The following CERS4 variants were observed in gnomAD, a reference collection of about 807,000 sequenced individuals.
CERS4 encodes the protein LAG1 homolog, ceramide synthase 4.
Under a neutral mutation model 51.8 loss-of-function variants are expected in CERS4, and 65 were observed. The observed-to-expected ratio is 1.26, with a 90% CI of 1.03 to 1.54. The LOEUF (loss-of-function observed/expected upper bound fraction) is 1.54, where lower values mean the gene tolerates loss of function less well. Among genes scored for constraint, CERS4 ranks in the 40% most tolerant of loss-of-function variants. The pLI, the probability that CERS4 is intolerant of heterozygous loss-of-function variation, is 0.00. For synonymous variants in CERS4, 228 were observed against 208.4 expected (o/e 1.09, Z -0.81); for missense variants, 563 against 500.4 (o/e 1.13, Z -1.19).
At chr19:8,242,441 G>A (rs1178804335) in intron 2 of CERS4, among the ~76,000 whole-genome samples, 1 of 152,168 alleles carries the variant, frequency 6.6e-6, no homozygotes, top group Non-Finnish European at 1.5e-5. Flanking sequence ...ATTCAGCAGA[G>A]GAGAGGAGAG....
intron 2 of CERS4, among the ~76,000 whole-genome samples, chr19:8,230,095 GTTCT>G (rs1261356394): frequency 2.6e-5 from 4 of 152,116 alleles, no homozygotes; most frequent in Admixed American, 6.6e-5. Context: ...ATCCTTTGGT[GTTCT>G]TTCTTATTTT....
intron 2 of CERS4, among the ~76,000 whole-genome samples, chr19:8,247,201 C>T (rs951040188): frequency 1.3e-5 from 2 of 152,054 alleles, no homozygotes; most frequent in South Asian, 2.1e-4. Flanking sequence ...TTCTTCCCTG[C>T]GGCCCCCATG....
chr19:8,233,591 T>G (rs749295265), intron 2 of CERS4, among the ~76,000 whole-genome samples: 1 of 152,184 alleles, frequency 6.6e-6, no homozygotes, highest in Non-Finnish European at 1.5e-5. Flanking sequence ...TTGTATAAAT[T>G]ATCAGGCCAT....
At chr19:8,240,888 C>G (rs554704502) in intron 2 of CERS4, among the ~76,000 whole-genome samples, 1 of 152,142 alleles carries the variant, frequency 6.6e-6, no homozygotes, top group African/African-American at 2.4e-5. Context: ...CATTCTCTCT[C>G]TTTCCCCCAA....
chr19:8,250,277 G>A (rs939355945), intron 2 of CERS4, among the ~76,000 whole-genome samples: 6 of 151,942 alleles, frequency 3.9e-5, no homozygotes, highest in African/African-American at 9.7e-5. Flanking sequence ...GCCCGGCCAC[G>A]ACTCAAGTTT....
chr19:8,241,761 G>A (rs754764454), intron 2 of CERS4, among the ~76,000 whole-genome samples: 7 of 152,128 alleles, frequency 4.6e-5, no homozygotes, highest in Non-Finnish European at 1.0e-4. Flanking sequence ...AATCAGATCC[G>A]TTGTGATATC....
At chr19:8,245,104 T>C (rs1390303988) in intron 2 of CERS4, among the ~76,000 whole-genome samples, 1 of 2,952 alleles carries the variant, frequency 3.4e-4, no homozygotes, top group Non-Finnish European at 7.6e-4. Flanking sequence ...CGAGCGAGAC[T>C]CCATCTCAAA....
At position 8,262,254 on chromosome 19, in the gene CERS4, C is replaced by T; in HGVS notation, c.*145C>T. 1.2e-6 allele frequency: 1 copy of T among 836,878 alleles called. No homozygotes were observed. Among genetic ancestry groups the T allele is most frequent in the African/African-American group, 1.7e-5 (1 of 57,492 alleles). 51.8% of individuals were successfully genotyped at this position (836,878 alleles called of 1,614,324 possible). On this transcript the variant is annotated 3_prime_UTR_variant, in exon 12 of 12. Transcript: ENST00000251363. ...GGTGGGAAGGCTGATGATCTGTCTC[C>T]AGCCCCTTCCTTCTGCCCACCCACC... is the stretch of plus-strand genomic sequence containing the variant.
At chr19:8,261,475 C>T (rs1164210678) in intron 10 of CERS4, 11 of 587,120 alleles carry the variant, frequency 1.9e-5, no homozygotes, top group Non-Finnish European at 3.0e-5. Context: ...AATGGCCAGT[C>T]AGGGAGCTCG....
At chr19:8,245,967 C>T (rs971344935) in intron 2 of CERS4, among the ~76,000 whole-genome samples, 5 of 139,884 alleles carry the variant, frequency 3.6e-5, no homozygotes, top group Non-Finnish European at 7.7e-5. Flanking sequence ...TGCCTATAAT[C>T]CCAGCAATTT....
intron 2 of CERS4, among the ~76,000 whole-genome samples, chr19:8,227,360 C>T (rs931049484): frequency 1.3e-5 from 2 of 151,986 alleles, no homozygotes; most frequent in African/African-American, 2.4e-5. Context: ...GAGACAGAGT[C>T]TCACTCTGTC....
intron 2 of CERS4, among the ~76,000 whole-genome samples, chr19:8,232,288 C>A (rs116275302): frequency 6.6e-6 from 1 of 151,672 alleles, no homozygotes; most frequent in African/African-American, 2.4e-5. Flanking sequence ...AATTTTATTT[C>A]TTTTTTCTTT....
At chr19:8,224,714 G>A (rs1260529454) in intron 2 of CERS4, among the ~76,000 whole-genome samples, 4 of 152,218 alleles carry the variant, frequency 2.6e-5, no homozygotes, top group Non-Finnish European at 4.4e-5. Flanking sequence ...CCTGGGTGCT[G>A]AGTGGGGAGG....
rs1044547 is a variant in CERS4, at chr19:8,262,115, C to T, written c.*6C>T. On this transcript the variant is annotated 3_prime_UTR_variant, in exon 12 of 12. Transcript: ENST00000251363. Reference sequence around the variant, plus strand: ...GGCACACAACAGCCACATAGCCGGGCGGGGCTGGCTGTAAGGGGTTGCCCC... The same window carrying T: ...GGCACACAACAGCCACATAGCCGGGTGGGGCTGGCTGTAAGGGGTTGCCCC... 0.16 allele frequency: 230,562 copies of T among 1,455,778 alleles called. 18,837 individuals are homozygous for T. Among genetic ancestry groups the T allele is most frequent in the Admixed American group, 0.2 (7,181 of 35,518 alleles). 90.2% of individuals were successfully genotyped at this position (1,455,778 alleles called of 1,614,324 possible).
chr19:8,248,995 G>A (rs1311406487), intron 2 of CERS4, among the ~76,000 whole-genome samples: 1 of 139,308 alleles, frequency 7.2e-6, no homozygotes, highest in Non-Finnish European at 1.6e-5. Context: ...GATGAATGAT[G>A]GGTGGATGGA....
chr19:8,214,680 CTT>C (rs143210179), intron 2 of CERS4, among the ~76,000 whole-genome samples: 1 of 152,200 alleles, frequency 6.6e-6, no homozygotes, highest in African/African-American at 2.4e-5. Flanking sequence ...TGCACGGTTA[CTT>C]TGTCGTCCTG....
intron 2 of CERS4, among the ~76,000 whole-genome samples, chr19:8,246,856 A>C (rs10426096): frequency 0.15 from 22,158 of 152,004 alleles, 1,711 homozygotes; most frequent in Middle Eastern, 0.21. Context: ...TGTAGGTTTG[A>C]AATGTTTATT....
intron 2 of CERS4, among the ~76,000 whole-genome samples, chr19:8,221,130 ATTT>A (rs577339714): frequency 1.5e-5 from 2 of 133,910 alleles, no homozygotes; most frequent in Non-Finnish European, 3.3e-5. Context: ...CGGCCTGTGT[ATTT>A]TTTTTTTTTT....
chr19:8,214,974 A>AG, intron 2 of CERS4, among the ~76,000 whole-genome samples: 3 of 50,188 alleles, frequency 6.0e-5, no homozygotes, highest in East Asian at 5.5e-4. Flanking sequence ...AGGAGGAGAA[A>AG]AAGGAAGAGG....
Sources: allele counts gnomAD v4.1 joint callset (sites outside exome capture counted in the v4.1 genomes callset), GRCh38; gene constraint gnomAD v4.1.1; transcripts MANE v1.5; gene names NCBI Gene and HGNC (gene_info 2026-07-23, HGNC 2026-07-21).